Variants in SPATA6 observed in about 807,000 individuals in gnomAD.
SPATA6 encodes the protein spermatogenesis associated 6.
A neutral mutation model predicts 65.3 loss-of-function variants in SPATA6; 56 were observed. That is an observed-to-expected ratio of 0.86 (90% CI 0.69 to 1.07). The LOEUF (loss-of-function observed/expected upper bound fraction) is 1.07, where lower values mean the gene tolerates loss of function less well. Ranked by LOEUF, SPATA6 falls within the 50% of genes least tolerant of loss-of-function variation. SPATA6 has a pLI of 0.00. For synonymous variants in SPATA6, 199 were observed against 213.2 expected (o/e 0.93, Z 0.58); for missense variants, 590 against 594.8 (o/e 0.99, Z 0.08).
At chr1:48,273,953 C>T in the SPATA6 span, among the ~76,000 whole-genome samples, 2 of 152,242 alleles carry the variant, frequency 1.3e-5, no homozygotes, top group Non-Finnish European at 2.9e-5. Flanking sequence ...ATTTACACTC[C>T]CCCCAACAGT....
At chr1:48,294,835 C>T (rs1444602081), downstream of SPATA6, among the ~76,000 whole-genome samples, 2 of 152,174 alleles carry the variant, frequency 1.3e-5, no homozygotes, top group African/African-American at 4.8e-5. Context: ...CCTTGCACAC[C>T]ACTTCTAGCT....
chr1:48,411,001 T>C (rs1652173310), intron 5 of SPATA6, among the ~76,000 whole-genome samples: 1 of 152,224 alleles, frequency 6.6e-6, no homozygotes, highest in Admixed American at 6.5e-5. Context: ...AATGAAATCA[T>C]ATGGTTGTTT....
intron 11 of SPATA6, among the ~76,000 whole-genome samples, chr1:48,349,202 A>G (rs563534507): frequency 1.3e-5 from 2 of 152,038 alleles, no homozygotes; most frequent in South Asian, 2.1e-4. Flanking sequence ...ATTTGTTTAC[A>G]TACTGCATAT....
chr1:48,286,510 T>C, the SPATA6 span, among the ~76,000 whole-genome samples: 1 of 152,198 alleles, frequency 6.6e-6, no homozygotes, highest in Admixed American at 6.5e-5. Flanking sequence ...GTGCTAATTT[T>C]CTATTCTGCA....
chr1:48,313,523 C>T (rs1421571679), intron 11 of SPATA6, among the ~76,000 whole-genome samples: 1 of 152,102 alleles, frequency 6.6e-6, no homozygotes, highest in Admixed American at 6.6e-5. Context: ...CAGGCCTGCC[C>T]TAAAAGAGCT....
chr1:48,268,304 ATGTG>A, the SPATA6 span, among the ~76,000 whole-genome samples: 58,165 of 149,170 alleles, frequency 0.39, 11,629 homozygotes, highest in East Asian at 0.55. Flanking sequence ...AAATAAAAAT[ATGTG>A]TGTGTGTGTG....
At chr1:48,407,078 A>G (rs921920500) in intron 5 of SPATA6, among the ~76,000 whole-genome samples, 1 of 152,200 alleles carries the variant, frequency 6.6e-6, no homozygotes, top group Non-Finnish European at 1.5e-5. Context: ...TTTGGTGTTC[A>G]GTTTATATAT....
chr1:48,467,128 C>A (rs1657867273), intron 1 of SPATA6, among the ~76,000 whole-genome samples: 2 of 152,054 alleles, frequency 1.3e-5, no homozygotes, highest in African/African-American at 4.8e-5. Flanking sequence ...TCTCCAAAGA[C>A]TCATTGAGAA....
chr1:48,286,733 T>C, the SPATA6 span, among the ~76,000 whole-genome samples: 2 of 152,274 alleles, frequency 1.3e-5, no homozygotes, highest in Non-Finnish European at 2.9e-5. Context: ...CTGTGTAATT[T>C]ATTTTAAAAA....
chr1:48,355,567 C>CT, intron 11 of SPATA6, 103 bp downstream of exon 11: 2 of 784,540 alleles, frequency 2.5e-6, no homozygotes, highest in Non-Finnish European at 3.9e-6. Context: ...TGCTTGCTTT[C>CT]TTTTTTTCTT....
chr1:48,333,442 C>T (rs967723288), intron 11 of SPATA6, among the ~76,000 whole-genome samples: 2 of 152,146 alleles, frequency 1.3e-5, no homozygotes, highest in African/African-American at 4.8e-5. Context: ...CCTTGCTCCT[C>T]AACTTGCAGA....
In SPATA6 at chr1:48,341,810, T is replaced by C. The variant is rs59173149; in HGVS notation, c.1194+13860A>G. 7.9e-5 allele frequency among the ~76,000 whole-genome samples: 12 copies of C among 152,290 alleles called. No individual in the cohort carries two copies. In the East Asian group the frequency reaches 2.3e-3, roughly 29 times the overall value. On this transcript the variant is annotated intron_variant, in intron 11 of 12. Coordinates refer to ENST00000371847, the MANE Select transcript of SPATA6 (RefSeq NM_019073.4). ...GGTGCATGGTAAGTGCTTAGTTAAG[T>C]TGAGAAAGGCATTAAATTTGCAGGC...
At chr1:48,401,109 CAA>C (rs1330879963) in intron 6 of SPATA6, among the ~76,000 whole-genome samples, 1 of 151,842 alleles carries the variant, frequency 6.6e-6, no homozygotes, top group Non-Finnish European at 1.5e-5. Flanking sequence ...CCTTGCTGAC[CAA>C]AACCTCTTTT....
At chr1:48,265,853 T>A in the SPATA6 span, among the ~76,000 whole-genome samples, 213 of 152,308 alleles carry the variant, frequency 1.4e-3, 1 homozygote, top group African/African-American at 4.9e-3. Context: ...TAGACCTGGA[T>A]GTTATATAGT....
In SPATA6 at chr1:48,413,095, A is replaced by T. The variant is rs1227083714; in HGVS notation, c.280+15T>A. On this transcript the variant is annotated intron_variant, in intron 4 of 12. Transcript: ENST00000371847. ...TGATATCTTATATTGTATATATTAC[A>T]TCAATATATATTACCTGGTGGAACT... The T allele has an allele frequency of 9.4e-7, 1 of 1,069,218 alleles. No homozygotes were observed. The highest frequency in any genetic ancestry group is 2.5e-5 in the South Asian group (1 of 40,342). 66.2% of individuals were successfully genotyped at this position (1,069,218 alleles called of 1,614,324 possible).
chr1:48,424,407 G>A (rs1039814682), intron 3 of SPATA6, among the ~76,000 whole-genome samples: 2 of 152,218 alleles, frequency 1.3e-5, no homozygotes, highest in Admixed American at 6.5e-5. Flanking sequence ...TGGACGCTAA[G>A]TCCAAATCTT....
chr1:48,411,810 A>T (rs371464312), intron 4 of SPATA6, among the ~76,000 whole-genome samples: 8 of 152,094 alleles, frequency 5.3e-5, no homozygotes, highest in African/African-American at 1.7e-4. Context: ...TTGGTCCAAC[A>T]TTTATATGTC....
chr1:48,365,179 C>T (rs1334365995), intron 9 of SPATA6, among the ~76,000 whole-genome samples: 1 of 152,092 alleles, frequency 6.6e-6, no homozygotes, highest in East Asian at 1.9e-4. Flanking sequence ...GGTAACAGTA[C>T]CATGCTGTTT....
the SPATA6 span, among the ~76,000 whole-genome samples, chr1:48,285,863 G>C: frequency 6.6e-6 from 1 of 152,132 alleles, no homozygotes; most frequent in Admixed American, 6.5e-5. Flanking sequence ...GGGAGCTGCA[G>C]ACCAGAACTG....
Sources: gnomAD v4.1 joint callset for allele counts (sites outside exome capture counted in the v4.1 genomes callset) on GRCh38, gnomAD v4.1.1 for gene constraint, MANE v1.5 for transcripts, NCBI Gene and HGNC (gene_info 2026-07-23, HGNC 2026-07-21) for gene names.